The following ACAP2 variants were observed in gnomAD, a reference collection of about 807,000 sequenced individuals.
ACAP2 encodes the protein ArfGAP with coiled-coil, ankyrin repeat and PH domains 2.
A neutral mutation model predicts 115.8 loss-of-function variants in ACAP2; 39 were observed. The ratio of observed to expected loss-of-function variants is 0.34; its 90% CI spans 0.26 to 0.44. ACAP2 has a LOEUF of 0.44. ACAP2 is among the 20% of genes least tolerant of loss of function. The pLI is 1.00. For missense variants in ACAP2, 662 were observed against 927.6 expected (o/e 0.71, Z 3.72); for synonymous variants, 289 against 315.8 (o/e 0.92, Z 0.90).
chr3:195,370,967 A>T (rs888487307), intron 4 of ACAP2, among the ~76,000 whole-genome samples: 1 of 151,984 alleles, frequency 6.6e-6, no homozygotes, highest in Non-Finnish European at 1.5e-5. Flanking sequence ...AAAAAAAAAA[A>T]AAAAATAGTT....
chr3:195,293,330 T>C (rs903856006), intron 18 of ACAP2, among the ~76,000 whole-genome samples: 2 of 152,196 alleles, frequency 1.3e-5, no homozygotes, highest in African/African-American at 4.8e-5. Flanking sequence ...CCCTGAGTAC[T>C]CTGCAGGACC....
chr3:195,393,734 T>C (rs1577406613), intron 1 of ACAP2, among the ~76,000 whole-genome samples: 1 of 152,280 alleles, frequency 6.6e-6, no homozygotes, highest in East Asian at 1.9e-4. Flanking sequence ...GGATATTCAG[T>C]GTAACGCGTT....
chr3:195,327,773 T>C (rs571399299), intron 8 of ACAP2, among the ~76,000 whole-genome samples: 1,949 of 151,878 alleles, frequency 0.013, 32 homozygotes, highest in African/African-American at 0.043. Flanking sequence ...CTCCTAAAAC[T>C]ACAAAAAATT....
intron 1 of ACAP2, among the ~76,000 whole-genome samples, chr3:195,396,793 G>GAA (rs62983860): frequency 0.21 from 19,193 of 91,720 alleles, 2,290 homozygotes; most frequent in Admixed American, 0.31. Flanking sequence ...TCTCAAAAAA[G>GAA]AAAAAAAAAA....
intron 4 of ACAP2, among the ~76,000 whole-genome samples, chr3:195,358,791 G>A (rs1732157393): frequency 6.6e-6 from 1 of 152,104 alleles, no homozygotes; most frequent in Admixed American, 6.5e-5. Context: ...CGAAAGGATA[G>A]TAACAGAAAA....
intron 14 of ACAP2, 26 bp downstream of exon 14, chr3:195,301,940 T>C (rs1728087095): frequency 6.2e-7 from 1 of 1,601,288 alleles, no homozygotes; most frequent in South Asian, 1.1e-5. Context: ...AAAGAAGAAA[T>C]TCTCATCCTG....
At position 195,326,875 on chromosome 3, in the gene ACAP2, C is replaced by T. The variant is rs1051134100; in HGVS notation, c.744+10G>A. 1.2e-6 allele frequency: 2 copies of T among 1,613,314 alleles called. No individual in the cohort carries two copies. Among genetic ancestry groups the T allele is most frequent in the Admixed American group, 3.3e-5 (2 of 59,982 alleles). ...AGTGGAATTAATTTTTAATTTTTCC[C>T]CTGAGGTACCTTTTGTTGAATGGTG... On this transcript the variant is annotated intron_variant, in intron 9 of 22. Coordinates refer to ENST00000326793, the MANE Select transcript of ACAP2 (RefSeq NM_012287.6).
At chr3:195,291,895 G>A (rs1210844890) in intron 19 of ACAP2, 80 bp from the exon 20 acceptor site, 3 of 1,231,412 alleles carry the variant, frequency 2.4e-6, no homozygotes, top group South Asian at 1.7e-5. Flanking sequence ...AAAACAATTG[G>A]TTTTCGTTAC....
chr3:195,437,598 A>G (rs1219852756), intron 1 of ACAP2, among the ~76,000 whole-genome samples: 1 of 151,962 alleles, frequency 6.6e-6, no homozygotes, highest in Non-Finnish European at 1.5e-5. Context: ...GGTGGATCAC[A>G]AGGTCAGGAG....
intron 4 of ACAP2, among the ~76,000 whole-genome samples, chr3:195,363,223 A>C (rs572529960): frequency 6.6e-6 from 1 of 152,340 alleles, no homozygotes; most frequent in Admixed American, 6.5e-5. Flanking sequence ...TTAAATACTT[A>C]GCAATTAACC....
At chr3:195,320,981 A>C (rs75115593) in intron 9 of ACAP2, among the ~76,000 whole-genome samples, 168 bp from the exon 10 acceptor site, 292 of 152,310 alleles carry the variant, frequency 1.9e-3, no homozygotes, top group African/African-American at 6.5e-3. Flanking sequence ...ATAATAAAGA[A>C]ATGTTTCAAT....
intron 10 of ACAP2, among the ~76,000 whole-genome samples, chr3:195,309,805 T>C (rs966440800): frequency 1.3e-5 from 2 of 152,200 alleles, no homozygotes; most frequent in African/African-American, 4.8e-5. Context: ...GTTCTGCTCA[T>C]TACTGTAAAT....
intron 4 of ACAP2, among the ~76,000 whole-genome samples, chr3:195,379,249 G>A (rs1396271452): frequency 6.6e-6 from 1 of 151,986 alleles, no homozygotes; most frequent in Non-Finnish European, 1.5e-5. Flanking sequence ...ATTTGGCAAT[G>A]GATTCCCTTA....
chr3:195,337,060 G>T, intron 6 of ACAP2, 84 bp from the exon 7 acceptor site: 11 of 1,235,610 alleles, frequency 8.9e-6, no homozygotes, highest in Non-Finnish European at 1.1e-5. Flanking sequence ...TTATTTTAAT[G>T]GTTTAATACT....
chr3:195,282,023 G>C (rs576728669), intron 22 of ACAP2: 1 of 152,274 alleles, frequency 6.6e-6, no homozygotes, highest in East Asian at 1.9e-4. Context: ...CATTCAAGAA[G>C]AAATAGGAAG....
chr3:195,351,562 C>T (rs546039044), intron 4 of ACAP2, among the ~76,000 whole-genome samples: 7 of 151,652 alleles, frequency 4.6e-5, no homozygotes, highest in East Asian at 1.9e-4. Flanking sequence ...CCCGGGATCA[C>T]GCCATTCTCC....
chr3:195,406,015 T>C (rs926598499), intron 1 of ACAP2, among the ~76,000 whole-genome samples: 1 of 152,046 alleles, frequency 6.6e-6, no homozygotes, highest in African/African-American at 2.4e-5. Context: ...CCTCCAGCAA[T>C]GGGGATTACA....
rs1734651242 is a variant in ACAP2 at position 195,391,229 on chromosome 3, T to A, written c.111+861A>T. Among the ~76,000 whole-genome samples, 5 of 102,826 alleles carry A rather than the reference T, an allele frequency of 4.9e-5. No individual in the cohort carries two copies. The South Asian group carries it at 1.4e-3, about 28-fold the overall frequency. 67.5% of individuals were successfully genotyped at this position (102,826 alleles called of 152,430 possible). A position where few individuals can be genotyped will look rare whatever the true frequency, so the allele number is the denominator to read the frequency against. ...AAAATACAGAAAAAGCTTCTCTTTC[T>A]TTTTTTTTTTTTTTTTTGAGATGGA... On this transcript the variant is annotated intron_variant, in intron 2 of 22. Transcript: ENST00000326793.
intron 6 of ACAP2, among the ~76,000 whole-genome samples, chr3:195,341,860 G>A (rs1193216371): frequency 6.6e-6 from 1 of 152,040 alleles, no homozygotes; most frequent in African/African-American, 2.4e-5. Flanking sequence ...AGGAACTAGG[G>A]GCCCTTATCC....
Sources: gnomAD v4.1 joint callset for allele counts (sites outside exome capture counted in the v4.1 genomes callset) on GRCh38, gnomAD v4.1.1 for gene constraint, MANE v1.5 for transcripts, NCBI Gene and HGNC (gene_info 2026-07-23, HGNC 2026-07-21) for gene names.